Variants in TDRD5 observed in about 807,000 individuals in gnomAD.
TDRD5 encodes tudor domain-containing protein 5.
A neutral mutation model predicts 120.6 loss-of-function variants in TDRD5; 41 were observed. That is an observed-to-expected ratio of 0.34 (90% confidence interval 0.26 to 0.44). The LOEUF is 0.44. Ranked by LOEUF, TDRD5 falls within the 20% of genes least tolerant of loss-of-function variation. The probability of loss-of-function intolerance (pLI) is 1.00; values close to 1 mark genes in which losing one functional copy is unlikely to be tolerated. For missense variants in TDRD5, 1,006 were observed against 1,221.2 expected (o/e 0.82, Z 2.63); for synonymous variants, 430 against 433.7 (o/e 0.99, Z 0.11).
intron 5 of TDRD5, 75 bp downstream of exon 5, chr1:179,618,757 C>A: frequency 2.8e-6 from 3 of 1,078,178 alleles, no homozygotes; most frequent in Non-Finnish European, 3.9e-6. Context: ...TTGAGTTTGT[C>A]TGCAAGTATT....
At chr1:179,605,420 G>T (rs1675920437) in intron 4 of TDRD5, among the ~76,000 whole-genome samples, 1 of 152,104 alleles carries the variant, frequency 6.6e-6, no homozygotes, top group African/African-American at 2.4e-5. Context: ...CCTGCTATTT[G>T]TTGCATTCAT....
At chr1:179,649,250 CT>C (rs1234673263) in intron 11 of TDRD5, among the ~76,000 whole-genome samples, 3 of 151,674 alleles carry the variant, frequency 2.0e-5, no homozygotes, top group African/African-American at 4.8e-5. Context: ...GTGTTTGTTA[CT>C]TTTTTTTAAT....
intron 17 of TDRD5, among the ~76,000 whole-genome samples, chr1:179,681,880 C>T (rs1680437661): frequency 6.9e-6 from 1 of 144,914 alleles, no homozygotes; most frequent in South Asian, 2.3e-4. Flanking sequence ...GTTTCTACTA[C>T]TATGTCTCCA....
chr1:179,651,146 A>G, intron 12 of TDRD5, 79 bp downstream of exon 12: 1 of 1,470,754 alleles, frequency 6.8e-7, no homozygotes, highest in Non-Finnish European at 9.2e-7. Context: ...TTAATAAAGA[A>G]GTTTATTTGG....
chr1:179,603,462 A>G (rs965807018), intron 4 of TDRD5, among the ~76,000 whole-genome samples: 3 of 152,198 alleles, frequency 2.0e-5, no homozygotes, highest in Non-Finnish European at 4.4e-5. Context: ...TCCAGCTCTC[A>G]GAGGGAATGC....
intron 4 of TDRD5, 67 bp from the exon 5 acceptor site, chr1:179,618,532 T>G: frequency 1.7e-6 from 2 of 1,192,844 alleles, no homozygotes; most frequent in Non-Finnish European, 2.4e-6. Context: ...ACATATTGCT[T>G]AGATCTACCT....
chr1:179,661,530 T>G (rs1400335059), intron 14 of TDRD5, among the ~76,000 whole-genome samples: 1 of 152,168 alleles, frequency 6.6e-6, no homozygotes, highest in African/African-American at 2.4e-5. Context: ...ATAAAAACTT[T>G]CATTTGATTC....
At chr1:179,674,315 G>A (rs553830290) in intron 17 of TDRD5, among the ~76,000 whole-genome samples, 1 of 152,230 alleles carries the variant, frequency 6.6e-6, no homozygotes, top group Non-Finnish European at 1.5e-5. Context: ...AGTGATTTTT[G>A]TTTTTAATTC....
At chr1:179,640,850 G>C (rs1186296193) in intron 11 of TDRD5, among the ~76,000 whole-genome samples, 1 of 152,168 alleles carries the variant, frequency 6.6e-6, no homozygotes, top group Non-Finnish European at 1.5e-5. Context: ...AGCTACAGCG[G>C]GTGCATGGTA....
Position 179,593,758 on chromosome 1 carries a change from A to G in TDRD5, c.531A>G (p.Glu177=). ...AATATGGATTTCTCTCTATGTTTGA[A>G]GTGCTTAATGCGGCTTCAGATGTCA... is the stretch of plus-strand genomic sequence containing the variant. ...YMQYGFLSMF[E]VLNAASDVIS... Residue 177 remains glutamate (E), a synonymous_variant, in exon 3 of 18, where the codon GAA becomes GAG. Transcript: ENST00000444136. The G allele has an allele frequency of 6.2e-6, 10 of 1,614,242 alleles. No homozygotes were observed. The highest frequency in any genetic ancestry group is 8.5e-6 in the Non-Finnish European group (10 of 1,180,046).
intron 11 of TDRD5, among the ~76,000 whole-genome samples, chr1:179,642,885 A>G (rs549472467): frequency 2.6e-5 from 4 of 152,348 alleles, no homozygotes; most frequent in South Asian, 4.1e-4. Context: ...CAAAAAAGCA[A>G]AAGTTAAATG....
chr1:179,624,815 A>G (rs998973746), intron 6 of TDRD5, among the ~76,000 whole-genome samples: 1 of 152,204 alleles, frequency 6.6e-6, no homozygotes, highest in Admixed American at 6.6e-5. Context: ...ACATGATAAC[A>G]TTAATGTATG....
At chr1:179,611,294 G>A (rs958965107) in intron 4 of TDRD5, among the ~76,000 whole-genome samples, 5 of 151,904 alleles carry the variant, frequency 3.3e-5, no homozygotes, top group African/African-American at 1.2e-4. Flanking sequence ...TTGAATGTCT[G>A]CCTCGGCCTC....
intron 16 of TDRD5, among the ~76,000 whole-genome samples, chr1:179,665,917 G>A (rs1313048681): frequency 2.0e-5 from 3 of 152,090 alleles, no homozygotes; most frequent in Non-Finnish European, 4.4e-5. Context: ...CTCTCCTGCT[G>A]TCTGTATCTT....
intron 17 of TDRD5, among the ~76,000 whole-genome samples, chr1:179,678,756 C>G (rs1680269699): frequency 6.6e-6 from 1 of 151,932 alleles, no homozygotes; most frequent in African/African-American, 2.4e-5. Context: ...ATTCCGTGAC[C>G]TTGCTAAACT....
At chr1:179,662,592 T>C (rs1679371223) in intron 15 of TDRD5, among the ~76,000 whole-genome samples, 1 of 151,756 alleles carries the variant, frequency 6.6e-6, no homozygotes, top group Non-Finnish European at 1.5e-5. Context: ...AGTAAGACCC[T>C]ATCTAAAAAA....
chr1:179,652,325 T>A, intron 13 of TDRD5, 128 bp downstream of exon 13: 1 of 919,488 alleles, frequency 1.1e-6, no homozygotes, highest in Non-Finnish European at 1.6e-6. Flanking sequence ...TCTTAACAAT[T>A]TGTCTCTTTA....
chr1:179,651,908 A>G, intron 12 of TDRD5, 131 bp from the exon 13 acceptor site: 1 of 1,033,786 alleles, frequency 9.7e-7, no homozygotes, highest in Non-Finnish European at 1.4e-6. Flanking sequence ...GCGAGACTCC[A>G]TCTCGAAATA....
chr1:179,661,735 A>C (rs1489121723), intron 14 of TDRD5, among the ~76,000 whole-genome samples: 1 of 152,100 alleles, frequency 6.6e-6, no homozygotes, highest in Non-Finnish European at 1.5e-5. Flanking sequence ...CCTCAATTCC[A>C]AAAACCTTTT....
Sources: allele counts gnomAD v4.1 joint callset (sites outside exome capture counted in the v4.1 genomes callset), GRCh38; gene constraint gnomAD v4.1.1; transcripts MANE v1.5; gene names NCBI Gene and HGNC (gene_info 2026-07-23, HGNC 2026-07-21).